Variants in EPHA6 observed in about 807,000 individuals in gnomAD.
EPHA6 encodes EPH receptor A6, also known as ephrin type-A receptor 6.
A neutral mutation model predicts 112.0 loss-of-function variants in EPHA6; 50 were observed. The observed-to-expected ratio is 0.45, with a 90% CI of 0.36 to 0.56. The LOEUF (loss-of-function observed/expected upper bound fraction) is 0.56, where lower values mean the gene tolerates loss of function less well. Among genes scored for constraint, EPHA6 ranks in the 20% least tolerant of loss-of-function variants. The probability of loss-of-function intolerance (pLI) is 0.00; values close to 1 mark genes in which losing one functional copy is unlikely to be tolerated. For missense variants in EPHA6, 1,280 were observed against 1,417.4 expected, an observed-to-expected ratio of 0.90 and a Z score of 1.56; for synonymous variants, 529 against 490.7, an observed-to-expected ratio of 1.08 and a Z score of -1.03.
intron 13 of EPHA6, among the ~76,000 whole-genome samples, chr3:97,630,865 A>T (rs1015920415): frequency 6.6e-6 from 1 of 151,976 alleles, no homozygotes; most frequent in East Asian, 1.9e-4. Flanking sequence ...TAAAACTTTT[A>T]TTGTGACAAA....
chr3:97,638,249 T>TAA (rs1553845946), intron 14 of EPHA6, among the ~76,000 whole-genome samples, 167 bp downstream of exon 14: 2 of 152,174 alleles, frequency 1.3e-5, no homozygotes, highest in African/African-American at 4.8e-5. Context: ...GTCTAGTTTA[T>TAA]AACAACAACA....
intron 14 of EPHA6, among the ~76,000 whole-genome samples, chr3:97,672,404 G>GT: frequency 6.6e-6 from 1 of 152,212 alleles, no homozygotes; most frequent in Middle Eastern, 3.4e-3. Context: ...AAAATTAGTG[G>GT]TTTTGTTGGC....
intron 3 of EPHA6, among the ~76,000 whole-genome samples, chr3:97,125,144 T>C (rs767984811): frequency 2.6e-5 from 4 of 152,176 alleles, no homozygotes; most frequent in Non-Finnish European, 4.4e-5. Context: ...AAGAAACTAA[T>C]GCCCTGCTTG....
chr3:96,992,531 G>A (rs1403389691), intron 3 of EPHA6, among the ~76,000 whole-genome samples: 1 of 152,088 alleles, frequency 6.6e-6, no homozygotes, highest in Non-Finnish European at 1.5e-5. Flanking sequence ...TGCTTCATCT[G>A]TTGTGTCTGA....
intron 5 of EPHA6, among the ~76,000 whole-genome samples, chr3:97,372,873 G>T (rs1031351746): frequency 1.3e-5 from 2 of 152,040 alleles, no homozygotes; most frequent in African/African-American, 4.8e-5. Flanking sequence ...AATAAAAAAC[G>T]AGATAATTTG....
At chr3:97,460,579 G>A (rs1297475519) in intron 7 of EPHA6, among the ~76,000 whole-genome samples, 1 of 152,186 alleles carries the variant, frequency 6.6e-6, no homozygotes, top group Non-Finnish European at 1.5e-5. Flanking sequence ...GACCCAACTA[G>A]TGGGAGTTCT....
chr3:97,365,663 C>T lies in EPHA6; in HGVS notation c.1607-39487C>T, dbSNP rs2108956867. Among the ~76,000 whole-genome samples the T allele has an allele frequency of 1.3e-5, 2 of 152,306 alleles. 1 individual carries two copies. Among genetic ancestry groups the T allele is most frequent in the Middle Eastern group, 6.8e-3 (2 of 294 alleles). ...TCGGCCTCCTAAAGTGCTGGGATTA[C>T]AGGCGTCAGCCACCGTGCCCAGCCA... On this transcript the variant is annotated intron_variant, in intron 5 of 17. Transcript: ENST00000389672.
intron 2 of EPHA6, among the ~76,000 whole-genome samples, chr3:96,871,653 A>G (rs563888470): frequency 1.3e-5 from 2 of 152,202 alleles, no homozygotes; most frequent in East Asian, 1.9e-4. Flanking sequence ...ACCGCACATT[A>G]TGTGAAAAAT....
At chr3:97,574,349 A>G (rs2093362867) in intron 11 of EPHA6, among the ~76,000 whole-genome samples, 1 of 152,184 alleles carries the variant, frequency 6.6e-6, no homozygotes, top group African/African-American at 2.4e-5. Flanking sequence ...TATTTGAATA[A>G]AAGAAAGTTT....
chr3:97,523,818 T>C (rs2092580145), intron 10 of EPHA6, among the ~76,000 whole-genome samples: 1 of 152,020 alleles, frequency 6.6e-6, no homozygotes, highest in Non-Finnish European at 1.5e-5. Flanking sequence ...TTTTTCTCTT[T>C]TTCCCAATCT....
intron 2 of EPHA6, among the ~76,000 whole-genome samples, chr3:96,926,463 A>G (rs1321078573): frequency 2.6e-5 from 4 of 152,144 alleles, no homozygotes; most frequent in Admixed American, 6.5e-5. Context: ...CAGTCTTCCA[A>G]AGTCTTAACT....
rs116651199 is a variant in EPHA6 at position 97,361,443 on chromosome 3, G to A, written c.1607-43707G>A. 5.7e-3 allele frequency among the ~76,000 whole-genome samples: 865 copies of A among 152,196 alleles called. 6 individuals carry two copies. Among genetic ancestry groups the A allele is most frequent in the African/African-American group, 0.019 (780 of 41,522 alleles). ...AAATTTAATATGAATCATACAGTTCGGCTTGCGTCTTAGTCTGTTTTCTGT... is the reference window on the plus strand; with the variant it reads ...AAATTTAATATGAATCATACAGTTCAGCTTGCGTCTTAGTCTGTTTTCTGT... On this transcript the variant is annotated intron_variant, in intron 5 of 17. Transcript: ENST00000389672.
At chr3:96,815,213 G>A (rs1359876174) in intron 1 of EPHA6, among the ~76,000 whole-genome samples, 1 of 152,150 alleles carries the variant, frequency 6.6e-6, no homozygotes, top group Non-Finnish European at 1.5e-5. Context: ...GATCCGTTGT[G>A]TTTCTAAATG....
chr3:97,716,284 A>ACCCAGGTGCTTCTGTGTTTCCTCTAATG (rs1553676285), intron 14 of EPHA6, among the ~76,000 whole-genome samples: 2 of 147,888 alleles, frequency 1.4e-5, no homozygotes, highest in African/African-American at 5.4e-5. Flanking sequence ...AAAAGAAAAG[A>ACCCAGGTGCTTCTGTGTTTCCTCTAATG]TGGGCCGGGC....
intron 7 of EPHA6, among the ~76,000 whole-genome samples, chr3:97,452,001 A>T (rs1410949066): frequency 5.3e-5 from 8 of 151,898 alleles, no homozygotes; most frequent in African/African-American, 1.9e-4. Flanking sequence ...AGTTCTTTTT[A>T]GCCATACTAT....
At chr3:96,928,258 A>AT (rs2040141235) in intron 2 of EPHA6, among the ~76,000 whole-genome samples, 2 of 152,198 alleles carry the variant, frequency 1.3e-5, no homozygotes, top group Non-Finnish European at 2.9e-5. Context: ...TGATATGAGC[A>AT]TTTAGTGCTA....
chr3:97,423,727 T>C (rs2088868178), intron 6 of EPHA6, among the ~76,000 whole-genome samples: 1 of 152,096 alleles, frequency 6.6e-6, no homozygotes, highest in Non-Finnish European at 1.5e-5. Flanking sequence ...AGAACAAAGC[T>C]GGAGGCATCA....
At chr3:97,301,841 T>G (rs912033949) in intron 5 of EPHA6, among the ~76,000 whole-genome samples, 2 of 144,292 alleles carry the variant, frequency 1.4e-5, no homozygotes, top group Non-Finnish European at 2.9e-5. Context: ...AATGAATCTG[T>G]TTTTTTCTAT....
intron 3 of EPHA6, among the ~76,000 whole-genome samples, chr3:97,011,567 T>C (rs2044086408): frequency 6.6e-6 from 1 of 152,232 alleles, no homozygotes. Context: ...TAATACCAGC[T>C]AATTCTCTCA....
Sources: gnomAD v4.1 joint callset for allele counts (sites outside exome capture counted in the v4.1 genomes callset) on GRCh38, gnomAD v4.1.1 for gene constraint, MANE v1.5 for transcripts, NCBI Gene and HGNC (gene_info 2026-07-23, HGNC 2026-07-21) for gene names.